Variants in EXOC3L2 observed in about 807,000 individuals in gnomAD.
EXOC3L2 encodes exocyst complex component 3 like 2.
In EXOC3L2, 17 loss-of-function variants were observed where a neutral mutation model predicts 44.4. The ratio of observed to expected loss-of-function variants is 0.38; its 90% CI spans 0.26 to 0.57. EXOC3L2 has a LOEUF of 0.57. Among genes scored for constraint, EXOC3L2 ranks in the 20% least tolerant of loss-of-function variants. EXOC3L2 has a pLI of 0.65. For missense variants in EXOC3L2, 541 were observed against 588.4 expected (o/e 0.92, Z 0.83); for synonymous variants, 256 against 253.7 (o/e 1.01, Z -0.09).
At position 45,239,072 on chromosome 19, in the gene EXOC3L2, AAAT is replaced by A; in HGVS notation, c.-16-14_-16-12del. 7.5e-6 allele frequency: 3 copies of A among 399,092 alleles called. No individual in the cohort carries two copies. Among genetic ancestry groups the A allele is most frequent in the Middle Eastern group, 6.3e-4 (1 of 1,588 alleles). 24.7% of individuals were successfully genotyped at this position (399,092 alleles called of 1,614,324 possible). A position where few individuals can be genotyped will look rare whatever the true frequency, so the allele number is the denominator to read the frequency against. ...TTGACAGGTGGGGACCTGGGGAAAA[AAAT>A]AATGACCATGGGCGATGCTGATGAC... On this transcript the variant is annotated splice_polypyrimidine_tract_variant and intron_variant, in intron 1 of 11. Transcript: ENST00000413988.
chr19:45,218,103 C>A, intron 9 of EXOC3L2, 94 bp downstream of exon 9: 1 of 1,417,656 alleles, frequency 7.1e-7, no homozygotes, highest in South Asian at 1.5e-5. Context: ...TTGGCTCTCC[C>A]AACCTCCCAA....
Position 45,213,253 on chromosome 19 carries a change from C to T in EXOC3L2, c.2225G>A (p.Gly742Glu), listed in dbSNP as rs1182468853. The change falls in exon 12 of 12, where the codon GGA becomes GAA. Residue 742 changes from glycine to glutamate, a missense_variant. Physicochemically the swap from Gly to Glu is moderately conservative, Grantham distance 98. Coordinates refer to ENST00000413988, the MANE Select transcript of EXOC3L2 (RefSeq NM_001382422.1). ...VARDLELSEE[G>E]ALSPPRDRAF... is the part of the protein sequence containing the mutation. ...ACGGTCCCGAGGGGGTGACAGGGCT[C>T]CCTCCTCAGAGAGTTCCAGGTCCCG... 4.3e-6 allele frequency: 7 copies of T among 1,613,266 alleles called. No homozygotes were observed. The highest frequency in any genetic ancestry group is 5.1e-6 in the Non-Finnish European group (6 of 1,179,672).
chr19:45,242,903 C>T lies in EXOC3L2; in HGVS notation c.-17+2438G>A, dbSNP rs148644648. ...AAAAAGAATTACAAATGCGTGCAGC[C>T]TCCTCCTGCCACCTCTCCTGGTCCC... On this transcript the variant is annotated intron_variant, in intron 1 of 11. Coordinates refer to ENST00000413988, the MANE Select transcript of EXOC3L2 (RefSeq NM_001382422.1). 4.3e-3 allele frequency among the ~76,000 whole-genome samples: 653 copies of T among 151,592 alleles called. 16 individuals are homozygous for T. Among genetic ancestry groups the T allele is most frequent in the Admixed American group, 0.041 (627 of 15,186 alleles).
At chr19:45,217,421 T>C in intron 10 of EXOC3L2, 107 bp downstream of exon 10, 1 of 1,314,556 alleles carries the variant, frequency 7.6e-7, no homozygotes, top group Non-Finnish European at 9.9e-7. Context: ...TGAGAGTTTC[T>C]GTCCTGAGCT....
intron 8 of EXOC3L2, among the ~76,000 whole-genome samples, chr19:45,223,362 G>C (rs1969918890): frequency 6.7e-6 from 1 of 149,414 alleles, no homozygotes; most frequent in Admixed American, 6.6e-5. Flanking sequence ...TGTTTTTTGA[G>C]AGGGAAGTCT....
chr19:45,241,498 A>C (rs1970131853), intron 1 of EXOC3L2, among the ~76,000 whole-genome samples: 1 of 149,214 alleles, frequency 6.7e-6, no homozygotes, highest in South Asian at 2.1e-4. Context: ...AAAAAAAAAG[A>C]AAAGAAAAAG....
In EXOC3L2 at chr19:45,234,053, G is replaced by A; in HGVS notation, c.1157+140C>T. ...TAGGATTGTAACTGTCAGCGGTGCT[G>A]ACGACTGGATGGGTTAATGGTGTTA... On this transcript the variant is annotated intron_variant, in intron 3 of 11. Coordinates refer to ENST00000413988, the MANE Select transcript of EXOC3L2 (RefSeq NM_001382422.1). This position sits in a 1 kb window ranked among gnomAD's most constrained non-coding sequence, Gnocchi z 5.0. The A allele has an allele frequency of 2.7e-6, 1 of 372,652 alleles. No individual in the cohort carries two copies. The highest frequency in any genetic ancestry group is 4.8e-6 in the Non-Finnish European group (1 of 209,444). 23.1% of individuals were successfully genotyped at this position (372,652 alleles called of 1,614,324 possible).
chr19:45,225,923 C>T (rs1030080886), intron 7 of EXOC3L2, among the ~76,000 whole-genome samples: 4 of 152,150 alleles, frequency 2.6e-5, no homozygotes, highest in Non-Finnish European at 4.4e-5. Flanking sequence ...CATCCTGCCC[C>T]GGCCATTTAT....
In EXOC3L2 at chr19:45,225,028, G is replaced by A. The variant is rs1047662972; in HGVS notation, c.1584-115C>T. 140 of 1,276,392 alleles carry A rather than the reference G, an allele frequency of 1.1e-4. 1 individual carries two copies. Among genetic ancestry groups the A allele is most frequent in the Non-Finnish European group, 1.4e-4 (135 of 993,278 alleles). The allele number at this position is 1,276,392 out of a possible 1,614,324, so 79.1% of individuals were successfully genotyped here. ...CACAGGGGTGACAGGTCAGATGGGGGGCTGAGAAAGGTCAGGGACTCTGGA... is the reference window on the plus strand; with the variant it reads ...CACAGGGGTGACAGGTCAGATGGGGAGCTGAGAAAGGTCAGGGACTCTGGA... On this transcript the variant is annotated intron_variant, in intron 7 of 11. Transcript: ENST00000413988.
rs1029116281 is a variant in EXOC3L2 at position 45,229,424 on chromosome 19, C to T, written c.1270-1158G>A. ...ATGTGTATATTAATAATTCATAATA[C>T]GTTATTTATATATTAATAATTAGTA... On this transcript the variant is annotated intron_variant, in intron 4 of 11. Coordinates refer to ENST00000413988, the MANE Select transcript of EXOC3L2 (RefSeq NM_001382422.1). 7.6e-5 allele frequency among the ~76,000 whole-genome samples: 11 copies of T among 144,084 alleles called. 1 individual carries two copies. The highest frequency in any genetic ancestry group is 4.3e-4 in the South Asian group (2 of 4,668). 94.5% of individuals were successfully genotyped at this position (144,084 alleles called of 152,430 possible). A position where few individuals can be genotyped will look rare whatever the true frequency, so the allele number is the denominator to read the frequency against.
intron 8 of EXOC3L2, among the ~76,000 whole-genome samples, chr19:45,220,059 G>A (rs1969880558): frequency 2.6e-5 from 4 of 152,068 alleles, no homozygotes; most frequent in African/African-American, 2.4e-5. Context: ...TGTAATCCCA[G>A]CTACTCGGGA....
At chr19:45,225,620 C>CTTT (rs555190100) in intron 7 of EXOC3L2, among the ~76,000 whole-genome samples, 4 of 125,302 alleles carry the variant, frequency 3.2e-5, no homozygotes, top group Admixed American at 1.7e-4. Context: ...TTACTCTTCT[C>CTTT]TTTTTTTTTT....
intron 3 of EXOC3L2, among the ~76,000 whole-genome samples, chr19:45,232,179 C>G (rs1412782863): frequency 6.6e-6 from 1 of 152,120 alleles, no homozygotes. Flanking sequence ...GTTCCCTTTG[C>G]ACCTATGCTC....
intron 2 of EXOC3L2, among the ~76,000 whole-genome samples, chr19:45,237,519 G>A (rs1039718811): frequency 2.6e-5 from 4 of 151,994 alleles, no homozygotes; most frequent in Middle Eastern, 3.2e-3. Context: ...AAAACTAGAT[G>A]GCATTTGGAG....
chr19:45,230,807 G>A (rs1288670082), intron 4 of EXOC3L2, among the ~76,000 whole-genome samples: 9 of 151,706 alleles, frequency 5.9e-5, no homozygotes, highest in South Asian at 2.1e-4. Flanking sequence ...GTGTTGTCTC[G>A]GCTGGGGTGA....
intron 4 of EXOC3L2, among the ~76,000 whole-genome samples, chr19:45,228,843 G>A (rs970743265): frequency 6.6e-6 from 1 of 151,238 alleles, no homozygotes; most frequent in Non-Finnish European, 1.5e-5. Context: ...AGGTCGAGGC[G>A]GGTGGATCAC....
intron 11 of EXOC3L2, 100 bp downstream of exon 11, chr19:45,215,973 C>T: frequency 1.3e-6 from 2 of 1,518,452 alleles, no homozygotes; most frequent in Non-Finnish European, 1.8e-6. Context: ...CGCTCACCGG[C>T]TCCCTCCCTC....
At chr19:45,214,574 C>T (rs1312136018) in intron 11 of EXOC3L2, among the ~76,000 whole-genome samples, 1 of 152,112 alleles carries the variant, frequency 6.6e-6, no homozygotes, top group Non-Finnish European at 1.5e-5. Context: ...AAGCAATTCT[C>T]CTGCCTCAGC....
In EXOC3L2 at chr19:45,218,256, C is replaced by G. The variant is rs775441775; in HGVS notation, c.1783G>C (p.Val595Leu). 2 of 1,607,944 alleles carry G rather than the reference C, an allele frequency of 1.2e-6. No homozygotes were observed. The highest frequency in any genetic ancestry group is 1.7e-6 in the Non-Finnish European group (2 of 1,178,356). ...AGGGCCTGGGCACCCAGCGTGCCCA[C>G]GATGCCATCCAGGGCCTCCGGGCTG... ...LSSPEALDGI[V>L]GTLGAQALAL... The change falls in exon 9 of 12, where the codon GTG becomes CTG. Residue 595 changes from valine to leucine, a missense_variant. Coordinates refer to ENST00000413988, the MANE Select transcript of EXOC3L2 (RefSeq NM_001382422.1).
Sources: gnomAD v4.1 joint callset for allele counts (sites outside exome capture counted in the v4.1 genomes callset) on GRCh38, gnomAD v4.1.1 for gene constraint, Gnocchi (gnomAD v3.1) non-coding constraint, MANE v1.5 for transcripts, NCBI Gene and HGNC (gene_info 2026-07-23, HGNC 2026-07-21) for gene names.